The following NRBF2 variants were observed in gnomAD, a reference collection of about 807,000 sequenced individuals.
The protein encoded by NRBF2 is nuclear receptor binding factor 2.
A neutral mutation model predicts 28.5 loss-of-function variants in NRBF2; 12 were observed. The observed-to-expected ratio is 0.42, with a 90% CI of 0.27 to 0.68. NRBF2 has a LOEUF of 0.68. Ranked by LOEUF, NRBF2 falls within the 30% of genes least tolerant of loss-of-function variation. The pLI is 0.24. For missense variants in NRBF2, 274 were observed against 333.5 expected (o/e 0.82, Z 1.39); for synonymous variants, 102 against 116.5 (o/e 0.88, Z 0.80).
chr10:63,152,096 T>C, intron 2 of NRBF2, 54 bp from the exon 3 acceptor site: 1 of 1,300,206 alleles, frequency 7.7e-7, no homozygotes, highest in Non-Finnish European at 1.1e-6. Context: ...TCCTTTTACC[T>C]GTTAATTACA....
chr10:63,152,104 A>G (rs375131627), intron 2 of NRBF2, 46 bp from the exon 3 acceptor site: 2 of 1,442,876 alleles, frequency 1.4e-6, no homozygotes, highest in East Asian at 2.3e-5. Context: ...CCTGTTAATT[A>G]CAAAATGAAG....
intron 3 of NRBF2, 41 bp downstream of exon 3, chr10:63,152,231 GT>G (rs1841662584): frequency 6.6e-7 from 1 of 1,525,074 alleles, no homozygotes; most frequent in Admixed American, 1.7e-5. Flanking sequence ...GGTTAGAAAG[GT>G]TTTCTTGTGG....
rs1841702085 is a variant in NRBF2 at position 63,154,544 on chromosome 10, T to C, written c.*326T>C. ...ATTTTTCTTATCTTCAGGGTTAAAA[T>C]GTATAAAAGTTATGTGTAATTAATC... is the stretch of plus-strand genomic sequence containing the variant. On this transcript the variant is annotated 3_prime_UTR_variant, in exon 4 of 4. Transcript: ENST00000277746. 5 of 198,500 alleles carry C rather than the reference T, an allele frequency of 2.5e-5. No homozygotes were observed. Among genetic ancestry groups the C allele is most frequent in the Admixed American group, 1.1e-4 (2 of 18,080 alleles). The allele number at this position is 198,500 out of a possible 1,614,324, so 12.3% of individuals were successfully genotyped here.
At chr10:63,142,302 G>GTTTT (rs141743950) in intron 1 of NRBF2, among the ~76,000 whole-genome samples, 3 of 133,200 alleles carry the variant, frequency 2.3e-5, no homozygotes, top group Non-Finnish European at 1.7e-5. Context: ...TGTTTTTTTT[G>GTTTT]TTTTTTTTGT....
intron 2 of NRBF2, among the ~76,000 whole-genome samples, chr10:63,151,812 TGTGA>T (rs1363274076): frequency 6.6e-6 from 1 of 152,214 alleles, no homozygotes; most frequent in Non-Finnish European, 1.5e-5. Flanking sequence ...ATGATATTTT[TGTGA>T]GTATGATGAG....
At chr10:63,142,293 G>GTTTTTTTTTTTTTTTTTTTTT (rs1261835924) in intron 1 of NRBF2, among the ~76,000 whole-genome samples, 1 of 135,532 alleles carries the variant, frequency 7.4e-6, no homozygotes. Context: ...CAGAACCTTT[G>GTTTTTTTTTTTTTTTTTTTTT]TTTTTTTTGT....
At chr10:63,140,151 C>G (rs1841441036) in intron 1 of NRBF2, among the ~76,000 whole-genome samples, 1 of 151,726 alleles carries the variant, frequency 6.6e-6, no homozygotes, top group Admixed American at 6.6e-5. Context: ...AAAAAAACAG[C>G]AAGGAAATCA....
At chr10:63,146,904 C>A (rs1318046924) in intron 2 of NRBF2, among the ~76,000 whole-genome samples, 1 of 152,132 alleles carries the variant, frequency 6.6e-6, no homozygotes, top group Non-Finnish European at 1.5e-5. Context: ...GTCAGTCAAG[C>A]AACCTAGCAT....
intron 1 of NRBF2, among the ~76,000 whole-genome samples, chr10:63,142,189 G>A (rs1437235347): frequency 2.0e-5 from 3 of 152,094 alleles, no homozygotes; most frequent in Non-Finnish European, 4.4e-5. Context: ...ACCTGAAATA[G>A]CATCTCATCC....
chr10:63,141,380 G>A (rs1424479520), intron 1 of NRBF2, among the ~76,000 whole-genome samples: 1 of 152,162 alleles, frequency 6.6e-6, no homozygotes, highest in African/African-American at 2.4e-5. Context: ...AGGCTGCAGT[G>A]AGCTATGATT....
At chr10:63,142,935 C>T (rs1425642561) in intron 1 of NRBF2, among the ~76,000 whole-genome samples, 1 of 151,904 alleles carries the variant, frequency 6.6e-6, no homozygotes, top group Non-Finnish European at 1.5e-5. Flanking sequence ...CATGTGCCAC[C>T]ATGCCTGGCT....
Position 63,154,017 on chromosome 10 carries a change from T to A in NRBF2, c.663T>A (p.Phe221Leu). ...AGGAGCTGGATGTAGATGCTGATTTTGTAGAAACGTCAGAGTTATGGAGCT... is the reference window on the plus strand; with the variant it reads ...AGGAGCTGGATGTAGATGCTGATTTAGTAGAAACGTCAGAGTTATGGAGCT... Reference protein sequence around the residue: ...IEKELDVDADFVETSELWSLP... With the variant: ...IEKELDVDADLVETSELWSLP... The change falls in exon 4 of 4, where the codon TTT becomes TTA. Residue 221 changes from phenylalanine (F) to leucine (L), a missense_variant. Coordinates refer to ENST00000277746, the MANE Select transcript of NRBF2 (RefSeq NM_030759.5). 1.2e-6 allele frequency: 2 copies of A among 1,612,192 alleles called. No homozygotes were observed. The highest frequency in any genetic ancestry group is 1.7e-6 in the Non-Finnish European group (2 of 1,179,830).
At chr10:63,148,749 G>A (rs1489177912) in intron 2 of NRBF2, among the ~76,000 whole-genome samples, 1 of 152,182 alleles carries the variant, frequency 6.6e-6, no homozygotes, top group Non-Finnish European at 1.5e-5. Context: ...ATCTACTCTT[G>A]AGGTGGACAA....
At chr10:63,134,355 A>T (rs996303642) in intron 1 of NRBF2, among the ~76,000 whole-genome samples, 1 of 152,200 alleles carries the variant, frequency 6.6e-6, no homozygotes, top group Admixed American at 6.5e-5. Flanking sequence ...AAGTCAGATT[A>T]CTTAAGGTTG....
intron 2 of NRBF2, 94 bp downstream of exon 2, chr10:63,146,387 C>A: frequency 1.3e-6 from 1 of 768,396 alleles, no homozygotes; most frequent in Non-Finnish European, 2.1e-6. Flanking sequence ...AAGACTGATA[C>A]TGCTGACCCA....
chr10:63,143,691 A>T (rs1472383413), intron 1 of NRBF2, among the ~76,000 whole-genome samples: 1 of 150,858 alleles, frequency 6.6e-6, no homozygotes, highest in Non-Finnish European at 1.5e-5. Context: ...ACCTCAGATG[A>T]TCCACCCGCC....
At chr10:63,152,293 T>C (rs112579836) in intron 3 of NRBF2, 103 bp downstream of exon 3, 2 of 811,302 alleles carry the variant, frequency 2.5e-6, no homozygotes, top group Non-Finnish European at 4.0e-6. Context: ...CAAAATGCTA[T>C]AGTCAAAAAT....
At chr10:63,144,369 T>G (rs1034702388) in intron 1 of NRBF2, among the ~76,000 whole-genome samples, 1 of 152,154 alleles carries the variant, frequency 6.6e-6, no homozygotes, top group African/African-American at 2.4e-5. Flanking sequence ...TTCAGTCTAA[T>G]GTCCTCACAG....
chr10:63,154,758 CATAATG>C lies in NRBF2; in HGVS notation c.*545_*550del, dbSNP rs1438037540. On this transcript the variant is annotated 3_prime_UTR_variant, in exon 4 of 4. Transcript: ENST00000277746. ...TATATGTGCCACACTTTGCACTACT[CATAATG>C]ATAACCTCAAGACTATCAGAAGAAA... 4 of 152,264 alleles carry C rather than the reference CATAATG, an allele frequency of 2.6e-5. No individual in the cohort carries two copies. Among genetic ancestry groups the C allele is most frequent in the East Asian group, 3.9e-4 (2 of 5,176 alleles). 9.4% of individuals were successfully genotyped at this position (152,264 alleles called of 1,614,324 possible). A position where few individuals can be genotyped will look rare whatever the true frequency, so the allele number is the denominator to read the frequency against.
Sources: allele counts gnomAD v4.1 joint callset (sites outside exome capture counted in the v4.1 genomes callset), GRCh38; gene constraint gnomAD v4.1.1; transcripts MANE v1.5; gene names NCBI Gene and HGNC (gene_info 2026-07-23, HGNC 2026-07-21).